SAMD3: variants seen among roughly 807,000 people sequenced by gnomAD.
The protein encoded by SAMD3 is sterile alpha motif domain containing 3, also known as sterile alpha motif domain-containing protein 3.
In SAMD3, 63 loss-of-function variants were observed where a neutral mutation model predicts 58.5. The ratio of observed to expected loss-of-function variants is 1.08; its 90% confidence interval spans 0.88 to 1.33. SAMD3 has a LOEUF of 1.33. Among genes scored for constraint, SAMD3 ranks in the 40% most tolerant of loss-of-function variants. SAMD3 has a pLI of 0.00. For synonymous variants in SAMD3, 220 were observed against 210.3 expected (o/e 1.05, Z -0.40); for missense variants, 604 against 608.4 (o/e 0.99, Z 0.08).
In SAMD3 at chr6:130,154,891, C is replaced by T. The variant is rs1439458657; in HGVS notation, c.957G>A (p.Met319Ile). ...CCTTCAGAGGTGTTCGGCTGCCAAT[C>T]ATCTTTCTTCTTATTTCCAAAGTTT... ...MSQTLEIRRK[M>I]IGSRTPLKDI... is the part of the protein sequence containing the mutation. The change falls in exon 9 of 12, where the codon ATG (methionine) becomes ATA (isoleucine). Residue 319 changes from methionine to isoleucine, a missense_variant. Transcript: ENST00000439090. 1.2e-6 allele frequency: 2 copies of T among 1,613,408 alleles called. No individual in the cohort carries two copies. Among genetic ancestry groups the T allele is most frequent in the South Asian group, 2.2e-5 (2 of 91,058 alleles).
rs1466572608 is a variant in SAMD3 at position 130,348,544 on chromosome 6, T to C, written c.-304+16576A>G. Among the ~76,000 whole-genome samples the C allele has an allele frequency of 3.3e-5, 5 of 152,274 alleles. No homozygotes were observed. In the East Asian group the frequency reaches 7.7e-4, roughly 24 times the overall value. ...AAGAGCTAACTATCCTAAATATATA[T>C]GCACCCAATACAAGAGCATCCAGAT... On this transcript the variant is annotated intron_variant, in intron 1 of 13. Transcript: ENST00000368134.
intron 2 of SAMD3, among the ~76,000 whole-genome samples, chr6:130,311,316 G>A (rs968135795): frequency 1.3e-5 from 2 of 152,206 alleles, no homozygotes; most frequent in Non-Finnish European, 2.9e-5. Flanking sequence ...CATTTTATGA[G>A]AGACGAGGAC....
intron 2 of SAMD3, among the ~76,000 whole-genome samples, chr6:130,294,191 ATAAC>A (rs1366274144): frequency 2.0e-5 from 3 of 152,186 alleles, no homozygotes; most frequent in South Asian, 2.1e-4. Context: ...ACTTAACAGG[ATAAC>A]TATTTTTCTT....
upstream of SAMD3, among the ~76,000 whole-genome samples, chr6:130,227,195 G>T (rs1796405298): frequency 6.6e-6 from 1 of 152,048 alleles, no homozygotes; most frequent in Non-Finnish European, 1.5e-5. Flanking sequence ...ACTATTTTAG[G>T]TATGCCATAT....
At chr6:130,231,246 T>C (rs1025953844) in intron 2 of SAMD3, among the ~76,000 whole-genome samples, 2 of 152,184 alleles carry the variant, frequency 1.3e-5, no homozygotes, top group Non-Finnish European at 2.9e-5. Flanking sequence ...AAAAATTTTT[T>C]CCCATGTTAT....
At chr6:130,202,398 T>C (rs1275469312) in intron 5 of SAMD3, among the ~76,000 whole-genome samples, 1 of 152,238 alleles carries the variant, frequency 6.6e-6, no homozygotes, top group Non-Finnish European at 1.5e-5. Context: ...ATATTTATTT[T>C]ATCTATTTTT....
chr6:130,284,994 A>G (rs1175299049), intron 2 of SAMD3, among the ~76,000 whole-genome samples: 2 of 152,218 alleles, frequency 1.3e-5, no homozygotes, highest in East Asian at 3.9e-4. Flanking sequence ...GTAATAGCAA[A>G]GAGTAGAAAC....
chr6:130,144,127 A>T, downstream of SAMD3: 1 of 181,816 alleles, frequency 5.5e-6, no homozygotes, highest in East Asian at 1.6e-4. Flanking sequence ...TGATGTTCAG[A>T]CCAAAGAGAC....
intron 9 of SAMD3, among the ~76,000 whole-genome samples, chr6:130,150,161 A>G (rs1044737431): frequency 3.9e-5 from 6 of 151,922 alleles, no homozygotes; most frequent in East Asian, 1.9e-4. Context: ...GAGATTCCCT[A>G]TGGTGATGAT....
chr6:130,182,982 G>A (rs1792511253), intron 7 of SAMD3: 1 of 185,282 alleles, frequency 5.4e-6, no homozygotes, highest in African/African-American at 2.4e-5. Flanking sequence ...TAAAGTTACA[G>A]CATCATAAAC....
chr6:130,257,050 C>G (rs1773949972), intron 2 of SAMD3, among the ~76,000 whole-genome samples: 2 of 152,150 alleles, frequency 1.3e-5, no homozygotes, highest in South Asian at 4.1e-4. Context: ...ATGACTATGT[C>G]TGGAGAAGAG....
chr6:130,205,590 C>A (rs943943562), intron 5 of SAMD3, among the ~76,000 whole-genome samples: 2 of 152,310 alleles, frequency 1.3e-5, no homozygotes, highest in Non-Finnish European at 2.9e-5. Context: ...AGGCATGAGC[C>A]ACCATGCTCA....
chr6:130,149,429 G>A (rs980162100), intron 9 of SAMD3, among the ~76,000 whole-genome samples: 10 of 152,124 alleles, frequency 6.6e-5, no homozygotes, highest in Admixed American at 3.9e-4. Flanking sequence ...ATTCATTGCA[G>A]CACTATTCAC....
chr6:130,193,425 G>T (rs564329828), intron 5 of SAMD3, among the ~76,000 whole-genome samples: 47 of 151,120 alleles, frequency 3.1e-4, no homozygotes, highest in Admixed American at 3.3e-4. Flanking sequence ...TTATCTCTGC[G>T]CCCTGATCCC....
chr6:130,193,899 C>A (rs1392061787), intron 5 of SAMD3, among the ~76,000 whole-genome samples: 6 of 152,024 alleles, frequency 3.9e-5, no homozygotes, highest in Admixed American at 2.0e-4. Flanking sequence ...TGTCCCAAAT[C>A]TTCCTTCTTT....
intron 2 of SAMD3, among the ~76,000 whole-genome samples, chr6:130,287,367 T>A (rs1775194982): frequency 6.6e-6 from 1 of 152,224 alleles, no homozygotes; most frequent in East Asian, 1.9e-4. Context: ...TTCTTGCATT[T>A]AGTAGACAAT....
chr6:130,237,464 T>C (rs1479981695), intron 2 of SAMD3, among the ~76,000 whole-genome samples: 1 of 152,166 alleles, frequency 6.6e-6, no homozygotes, highest in African/African-American at 2.4e-5. Flanking sequence ...TGAAATACTT[T>C]TACCCAGAAC....
upstream of SAMD3, among the ~76,000 whole-genome samples, chr6:130,225,562 G>T (rs114487199): frequency 1.3e-5 from 2 of 152,132 alleles, no homozygotes; most frequent in African/African-American, 4.8e-5. Context: ...GATTATAATA[G>T]CACATAGCTT....
At chr6:130,180,426 C>T (rs1424118802) in intron 7 of SAMD3, among the ~76,000 whole-genome samples, 2 of 151,618 alleles carry the variant, frequency 1.3e-5, no homozygotes, top group African/African-American at 2.4e-5. Context: ...TGAACCACCA[C>T]TCCCAGCTGT....
Sources: allele counts gnomAD v4.1 joint callset (sites outside exome capture counted in the v4.1 genomes callset), GRCh38; gene constraint gnomAD v4.1.1; transcripts MANE v1.5; gene names NCBI Gene and HGNC (gene_info 2026-07-23, HGNC 2026-07-21).